KANSL1: variants seen among roughly 807,000 people sequenced by gnomAD.
KANSL1 encodes MLL1/MLL complex subunit KANSL1.
Under a neutral mutation model 103.6 loss-of-function variants are expected in KANSL1, and 22 were observed. The ratio of observed to expected loss-of-function variants is 0.21; its 90% CI spans 0.15 to 0.30. KANSL1 has a LOEUF of 0.30. Ranked by LOEUF, KANSL1 falls within the 10% of genes least tolerant of loss-of-function variation. The pLI, the probability that KANSL1 is intolerant of heterozygous loss-of-function variation, is 1.00. For synonymous variants in KANSL1, 600 were observed against 527.6 expected, an observed-to-expected ratio of 1.14 and a Z score of -1.88; for missense variants, 1,337 against 1,399.8, an observed-to-expected ratio of 0.96 and a Z score of 0.72.
chr17:46,099,893 T>C (rs2042236713), intron 2 of KANSL1, among the ~76,000 whole-genome samples: 2 of 152,246 alleles, frequency 1.3e-5, no homozygotes, highest in Non-Finnish European at 2.9e-5. Flanking sequence ...TTCATTAAAA[T>C]GTTACATGAT....
intron 2 of KANSL1, among the ~76,000 whole-genome samples, chr17:46,114,898 G>C (rs1219184512): frequency 1.3e-5 from 2 of 152,064 alleles, no homozygotes; most frequent in Non-Finnish European, 2.9e-5. Flanking sequence ...GTTTAGATGA[G>C]GTTTAGAACA....
At chr17:46,166,184 A>G (rs895578003) in intron 2 of KANSL1, among the ~76,000 whole-genome samples, 1 of 143,982 alleles carries the variant, frequency 6.9e-6, no homozygotes, top group Admixed American at 7.2e-5. Context: ...CTGTAACTCT[A>G]GCCTGGGCGA....
chr17:46,043,792 T>C (rs537653868), intron 7 of KANSL1: 4 of 152,332 alleles, frequency 2.6e-5, no homozygotes, highest in Admixed American at 6.5e-5. Context: ...TGGCACATTG[T>C]AGAACCCAAG....
intron 1 of KANSL1, among the ~76,000 whole-genome samples, chr17:46,180,274 T>C (rs2046722528): frequency 6.6e-6 from 1 of 151,834 alleles, no homozygotes; most frequent in Admixed American, 6.6e-5. Flanking sequence ...GGCGGGTGGA[T>C]CACCTGAGGT....
At chr17:46,049,664 G>C (rs1309682861) in intron 7 of KANSL1, 1 of 152,070 alleles carries the variant, frequency 6.6e-6, no homozygotes, top group Non-Finnish European at 1.5e-5. Context: ...ACTCAATATG[G>C]CCAAAAGGAA....
At chr17:46,122,615 TA>T (rs1351337761) in intron 2 of KANSL1, among the ~76,000 whole-genome samples, 1 of 151,660 alleles carries the variant, frequency 6.6e-6, no homozygotes, top group African/African-American at 2.4e-5. Flanking sequence ...GATGCTGTTT[TA>T]AAAAAAAACA....
chr17:46,172,165 T>C lies in KANSL1; in HGVS notation c.-22A>G, dbSNP rs781458483. 6.3e-7 allele frequency: 1 copy of C among 1,593,572 alleles called. No individual in the cohort carries two copies. The highest frequency in any genetic ancestry group is 8.5e-7 in the Non-Finnish European group (1 of 1,176,662). On this transcript the variant is annotated 5_prime_UTR_variant, in exon 2 of 15. Coordinates refer to ENST00000432791, the MANE Select transcript of KANSL1 (RefSeq NM_015443.4). ...CCATTCAGCACAGAGAGACAGGAAG[T>C]CCAGCCTCTCCCGATGCCGAGGCCG...
At chr17:46,111,125 AAAG>A (rs2042784329) in intron 2 of KANSL1, among the ~76,000 whole-genome samples, 1 of 152,254 alleles carries the variant, frequency 6.6e-6, no homozygotes, top group Non-Finnish European at 1.5e-5. Context: ...AAGCGGTTTT[AAAG>A]AAGGGCATAG....
chr17:46,038,580 A>T lies in KANSL1; in HGVS notation c.2499T>A (p.Pro833=). Residue 833 remains proline (P), a synonymous_variant, in exon 10 of 15, where the codon CCT becomes CCA. Coordinates refer to ENST00000432791, the MANE Select transcript of KANSL1 (RefSeq NM_015443.4). ...CCTGTGAGCTAGAGCTGGCGGGTGC[A>T]GGGGAATCTGAGGAGGTGGAGAGCT... The part of the protein sequence containing the change: ...VRQLSTSSDS[P]APASSSSQVT... 6.2e-7 allele frequency: 1 copy of T among 1,614,126 alleles called. No individual in the cohort carries two copies. Among genetic ancestry groups the T allele is most frequent in the Middle Eastern group, 1.6e-4 (1 of 6,062 alleles).
At chr17:46,138,092 C>T (rs908567786) in intron 2 of KANSL1, among the ~76,000 whole-genome samples, 2 of 152,184 alleles carry the variant, frequency 1.3e-5, no homozygotes, top group Admixed American at 1.3e-4. Flanking sequence ...CTGACTCCTG[C>T]CTTGACTCCT....
intron 10 of KANSL1, 134 bp downstream of exon 10, chr17:46,038,404 C>T: frequency 3.3e-6 from 3 of 908,952 alleles, no homozygotes; most frequent in Non-Finnish European, 5.0e-6. Context: ...GACATACATA[C>T]ATATGTCATG....
At chr17:46,172,513 A>T (rs1480941934) in intron 1 of KANSL1, among the ~76,000 whole-genome samples, 1 of 152,246 alleles carries the variant, frequency 6.6e-6, no homozygotes, top group Non-Finnish European at 1.5e-5. Context: ...TTCAGAGAAA[A>T]TCACAGATTG....
intron 1 of KANSL1, among the ~76,000 whole-genome samples, chr17:46,200,761 A>ATATT (rs2047777044): frequency 6.7e-6 from 1 of 148,912 alleles, no homozygotes; most frequent in African/African-American, 2.4e-5. Flanking sequence ...ATATATATAT[A>ATATT]TTTTTCTTTT....
At chr17:46,039,620 A>G in intron 8 of KANSL1, 82 bp downstream of exon 8, 1 of 1,482,572 alleles carries the variant, frequency 6.7e-7, no homozygotes. Flanking sequence ...CCCAACATGC[A>G]TGCAAACTAC....
At chr17:46,078,838 C>T (rs570233836) in intron 4 of KANSL1, among the ~76,000 whole-genome samples, 17 of 152,158 alleles carry the variant, frequency 1.1e-4, no homozygotes, top group Non-Finnish European at 2.4e-4. Flanking sequence ...AACTCTCAAC[C>T]GCTTTTTACA....
At chr17:46,192,334 G>A (rs1317666317) in intron 1 of KANSL1, 2 of 151,790 alleles carry the variant, frequency 1.3e-5, no homozygotes, top group South Asian at 2.1e-4. Context: ...GTCCGCCTGA[G>A]GGAGACTACA....
intron 2 of KANSL1, among the ~76,000 whole-genome samples, chr17:46,097,355 AC>A (rs1222851509): frequency 2.0e-5 from 3 of 152,236 alleles, no homozygotes; most frequent in Non-Finnish European, 4.4e-5. Context: ...TATCAACATG[AC>A]CTAATCTCAA....
At chr17:46,054,036 C>T (rs923049303) in intron 6 of KANSL1, among the ~76,000 whole-genome samples, 1 of 152,102 alleles carries the variant, frequency 6.6e-6, no homozygotes, top group Non-Finnish European at 1.5e-5. Flanking sequence ...GCTGAGGTGG[C>T]TCACTTGAGC....
chr17:46,184,131 T>C (rs1023345149), intron 1 of KANSL1, among the ~76,000 whole-genome samples: 10 of 152,202 alleles, frequency 6.6e-5, no homozygotes, highest in South Asian at 2.1e-4. Flanking sequence ...AGATACAAGA[T>C]AGTAAAATAT....
Sources: allele counts gnomAD v4.1 joint callset (sites outside exome capture counted in the v4.1 genomes callset), GRCh38; gene constraint gnomAD v4.1.1; transcripts MANE v1.5; gene names NCBI Gene and HGNC (gene_info 2026-07-23, HGNC 2026-07-21).